SMCO2: variants seen among roughly 807,000 people sequenced by gnomAD.
SMCO2 encodes the protein single-pass membrane protein with coiled-coil domains 2.
A neutral mutation model predicts 29.5 loss-of-function variants in SMCO2; 25 were observed. The ratio of observed to expected loss-of-function variants is 0.85; its 90% CI spans 0.62 to 1.18. The LOEUF is 1.18. Among genes scored for constraint, SMCO2 ranks in the 50% most tolerant of loss-of-function variants. The pLI, the probability that SMCO2 is intolerant of heterozygous loss-of-function variation, is 0.00. For synonymous variants in SMCO2, 117 were observed against 123.3 expected, an observed-to-expected ratio of 0.95 and a Z score of 0.34; for missense variants, 348 against 344.5, an observed-to-expected ratio of 1.01 and a Z score of -0.08.
chr12:27,495,728 C>T lies in SMCO2; in HGVS notation c.556C>T (p.Gln186Ter), dbSNP rs1942991876. 1.3e-6 allele frequency: 2 copies of T among 1,533,248 alleles called. No homozygotes were observed. Among genetic ancestry groups the T allele is most frequent in the Admixed American group, 2.0e-5 (1 of 50,666 alleles). 95.0% of individuals were successfully genotyped at this position (1,533,248 alleles called of 1,614,324 possible). A position where few individuals can be genotyped will look rare whatever the true frequency, so the allele number is the denominator to read the frequency against. The stretch of plus-strand genomic sequence containing the variant: ...GCTGAGTGCAAAGCTAAGGATGTAT[C>T]AAATGGAGGCAGAGGACACTGACTC... The change falls in exon 7 of 8, where the codon CAA becomes TAA. Residue 186 changes from glutamine (Q) to a stop codon, truncating the protein, a stop_gained. Coordinates refer to ENST00000298876, the Ensembl canonical transcript of SMCO2. LOFTEE classifies it high-confidence loss of function.
the SMCO2 span, among the ~76,000 whole-genome samples, chr12:27,447,249 C>T: frequency 6.6e-6 from 1 of 152,104 alleles, no homozygotes; most frequent in Non-Finnish European, 1.5e-5. Context: ...CACCTCATGC[C>T]CCACAGTCCA....
At chr12:27,462,197 C>T (rs1022819697), upstream of SMCO2, among the ~76,000 whole-genome samples, 4 of 152,132 alleles carry the variant, frequency 2.6e-5, no homozygotes, top group Admixed American at 2.0e-4. Flanking sequence ...GCCCTAATTT[C>T]GTTCATTCGA....
intron 7 of SMCO2, among the ~76,000 whole-genome samples, chr12:27,501,470 A>G (rs1417881486): frequency 6.7e-6 from 1 of 149,442 alleles, no homozygotes; most frequent in Non-Finnish European, 1.5e-5. Context: ...AAAAGCTTCT[A>G]TTATTTTACA....
At chr12:27,465,524 G>C (rs1220688576), upstream of SMCO2, among the ~76,000 whole-genome samples, 1 of 152,198 alleles carries the variant, frequency 6.6e-6, no homozygotes, top group Non-Finnish European at 1.5e-5. Context: ...CGTAAGAAAG[G>C]TGACACATCT....
At chr12:27,476,876 A>G (rs1285130724) in intron 4 of SMCO2, among the ~76,000 whole-genome samples, 2 of 152,122 alleles carry the variant, frequency 1.3e-5, no homozygotes, top group African/African-American at 2.4e-5. Flanking sequence ...GTAAGGACTT[A>G]TTCCTGTCAT....
In SMCO2 at chr12:27,493,996, T is replaced by A. The variant is rs148588279; in HGVS notation, c.451-304T>A. The A allele has an allele frequency of 5.5e-3, 971 of 177,128 alleles. 7 individuals carry two copies. Among genetic ancestry groups the A allele is most frequent in the Middle Eastern group, 0.038 (16 of 426 alleles). The allele number at this position is 177,128 out of a possible 1,614,324, so 11.0% of individuals were successfully genotyped here. A position where few individuals can be genotyped will look rare whatever the true frequency, so the allele number is the denominator to read the frequency against. On this transcript the variant is annotated intron_variant, in intron 5 of 7. Transcript: ENST00000298876. ...TCTTCAACTTGTGTCCTGGTAGAAG[T>A]TTTTTAAGGAGCAAGGAAGGAGTAA...
chr12:27,427,760 C>T, the SMCO2 span, among the ~76,000 whole-genome samples: 2 of 152,110 alleles, frequency 1.3e-5, no homozygotes, highest in African/African-American at 4.8e-5. Context: ...GCTCTTCTTG[C>T]CTGCTGTCCA....
the SMCO2 span, among the ~76,000 whole-genome samples, chr12:27,438,928 C>T: frequency 2.0e-5 from 3 of 151,712 alleles, no homozygotes; most frequent in South Asian, 2.1e-4. Context: ...GACTTCTGCA[C>T]CTGCAATACC....
the SMCO2 span, among the ~76,000 whole-genome samples, chr12:27,438,025 G>C: frequency 6.6e-6 from 1 of 152,030 alleles, no homozygotes; most frequent in Non-Finnish European, 1.5e-5. Context: ...CTACACTCCC[G>C]GGCTTCCTGC....
chr12:27,429,222 A>G, the SMCO2 span, among the ~76,000 whole-genome samples: 6 of 152,258 alleles, frequency 3.9e-5, no homozygotes, highest in East Asian at 1.2e-3. Flanking sequence ...AGAACTTTAC[A>G]TTCATTTTTG....
the SMCO2 span, among the ~76,000 whole-genome samples, chr12:27,458,811 C>T: frequency 4.0e-5 from 6 of 149,300 alleles, no homozygotes; most frequent in South Asian, 6.6e-4. Flanking sequence ...CGCTTGAACC[C>T]GGGAGGCGGA....
At chr12:27,438,401 C>T in the SMCO2 span, among the ~76,000 whole-genome samples, 11 of 152,234 alleles carry the variant, frequency 7.2e-5, no homozygotes, top group African/African-American at 1.9e-4. Context: ...GCAATGCAGC[C>T]GACAGCCTAC....
At chr12:27,426,967 A>C in the SMCO2 span, among the ~76,000 whole-genome samples, 1 of 152,242 alleles carries the variant, frequency 6.6e-6, no homozygotes, top group South Asian at 2.1e-4. Context: ...GTTTCAAATA[A>C]GTAAGCACTT....
At chr12:27,465,028 C>CAAAAAAAAA (rs35630976), upstream of SMCO2, among the ~76,000 whole-genome samples, 33 of 60,142 alleles carry the variant, frequency 5.5e-4, no homozygotes, top group African/African-American at 8.4e-4. Context: ...GACCCTGTCT[C>CAAAAAAAAA]AAAAAAAAAA....
At chr12:27,488,006 A>G (rs1211375657) in intron 4 of SMCO2, among the ~76,000 whole-genome samples, 1 of 151,964 alleles carries the variant, frequency 6.6e-6, no homozygotes, top group Non-Finnish European at 1.5e-5. Flanking sequence ...TATATGTGCT[A>G]AGCAAATATT....
chr12:27,434,970 T>C, the SMCO2 span, among the ~76,000 whole-genome samples: 1 of 152,036 alleles, frequency 6.6e-6, no homozygotes, highest in Non-Finnish European at 1.5e-5. Flanking sequence ...TCCTGAAATC[T>C]CCCTGTCCTC....
intron 3 of SMCO2, among the ~76,000 whole-genome samples, chr12:27,474,386 C>T (rs1363615606): frequency 1.3e-5 from 2 of 152,180 alleles, no homozygotes; most frequent in Admixed American, 1.3e-4. Flanking sequence ...AAGATCTATG[C>T]AATATGTTTG....
chr12:27,483,193 C>T (rs1276313195), intron 4 of SMCO2, among the ~76,000 whole-genome samples: 1 of 152,128 alleles, frequency 6.6e-6, no homozygotes, highest in Non-Finnish European at 1.5e-5. Context: ...TTATCCAAGT[C>T]TTCCAGGTAC....
At chr12:27,485,450 GTTT>G (rs142312125) in intron 4 of SMCO2, among the ~76,000 whole-genome samples, 2 of 132,042 alleles carry the variant, frequency 1.5e-5, no homozygotes, top group Non-Finnish European at 1.6e-5. Flanking sequence ...ATTTTTTTAA[GTTT>G]TTTTTTTTTT....
Sources: allele counts gnomAD v4.1 joint callset (sites outside exome capture counted in the v4.1 genomes callset), GRCh38; gene constraint gnomAD v4.1.1; transcripts MANE v1.5; gene names NCBI Gene and HGNC (gene_info 2026-07-23, HGNC 2026-07-21).